Variants in SLC22A6 observed in about 807,000 individuals in gnomAD.
The protein encoded by SLC22A6 is solute carrier family 22 member 6, also known as PAH transporter.
In SLC22A6, 45 loss-of-function variants were observed where a neutral mutation model predicts 56.7. The ratio of observed to expected loss-of-function variants is 0.79; its 90% confidence interval spans 0.63 to 1.02. SLC22A6 has a LOEUF of 1.02. SLC22A6 is among the 50% of genes least tolerant of loss of function. SLC22A6 has a pLI of 0.00. For missense variants in SLC22A6, 606 were observed against 713.8 expected, an observed-to-expected ratio of 0.85 and a Z score of 1.72; for synonymous variants, 291 against 295.9, an observed-to-expected ratio of 0.98 and a Z score of 0.17.
chr11:62,984,485 C>T lies in SLC22A6; in HGVS notation c.206G>A (p.Arg69Gln), dbSNP rs144356509. The change falls in exon 1 of 10, where the codon CGG (arginine) becomes CAG (glutamine). Residue 69 changes from arginine (R) to glutamine (Q), a missense_variant. By Grantham distance (43) the Arg-to-Gln change is conservative (BLOSUM62 1). Transcript: ENST00000360421. ...GGACTCAGGCTGCCCCTGCCTGTCCCGGGGCAGCCAGACCTCCAGCCCCCC... is the reference window on the plus strand; with the variant it reads ...GGACTCAGGCTGCCCCTGCCTGTCCTGGGGCAGCCAGACCTCCAGCCCCCC... ...KNGGLEVWLPRDRQGQPESCL... is the reference protein window; with the variant it reads ...KNGGLEVWLPQDRQGQPESCL... 221 of 1,613,800 alleles carry T rather than the reference C, an allele frequency of 1.4e-4. No individual in the cohort carries two copies. Among genetic ancestry groups the T allele is most frequent in the Non-Finnish European group, 1.6e-4 (186 of 1,179,978 alleles).
chr11:62,981,480 T>C (rs1164284147), intron 4 of SLC22A6, 97 bp from the exon 5 acceptor site: 4 of 758,988 alleles, frequency 5.3e-6, no homozygotes, highest in Non-Finnish European at 8.4e-6. Flanking sequence ...TGCGATGGGA[T>C]TTTATTTAAG....
rs962451994 is a variant in SLC22A6 at position 62,976,805 on chromosome 11, T to C, written c.1642A>G (p.Asn548Asp). 1.9e-6 allele frequency: 3 copies of C among 1,613,292 alleles called. No individual in the cohort carries two copies. In the African/African-American group the frequency reaches 4.0e-5, roughly 22 times the overall value. Residue 548 changes from asparagine to aspartate, a missense_variant, in exon 10 of 10, where the codon AAT (asparagine) becomes GAT (aspartate). By Grantham distance (23) the Asn-to-Asp change is conservative. Transcript: ENST00000360421. ...CCCCTTCTCAGTCCTCAGAGTCCAT[T>C]CTTCTCTTGTGCTGAGGCCTGCAGT... is the stretch of plus-strand genomic sequence containing the variant. ...VPLQASAQEK[N>D]GL
intron 3 of SLC22A6, 119 bp from the exon 4 acceptor site, chr11:62,982,129 G>T: frequency 1.1e-6 from 1 of 937,216 alleles, no homozygotes; most frequent in Non-Finnish European, 1.6e-6. Flanking sequence ...CATCGAGTAA[G>T]TTGAGTGCCA....
chr11:62,979,500 G>A lies in SLC22A6; in HGVS notation c.1349C>T (p.Pro450Leu), dbSNP rs761801320. Reference protein sequence around the residue: ...CIFLYTGELYPTMIRQTGMGM... With the variant: ...CIFLYTGELYLTMIRQTGMGM... ...GGCTCCCACTCACCGGATCATTGTGGGATACAGTTCCCCAGTATACAGGAA... is the reference window on the plus strand; with the variant it reads ...GGCTCCCACTCACCGGATCATTGTGAGATACAGTTCCCCAGTATACAGGAA... Residue 450 changes from proline (P) to leucine (L), a missense_variant, in exon 8 of 10, where the codon CCC (proline) becomes CTC (leucine). Physicochemically the swap from Pro to Leu is moderately conservative, Grantham distance 98. Transcript: ENST00000360421. 2.5e-6 allele frequency: 4 copies of A among 1,605,774 alleles called. No individual in the cohort carries two copies. Among genetic ancestry groups the A allele is most frequent in the Admixed American group, 3.3e-5 (2 of 60,014 alleles).
chr11:62,982,228 T>C (rs1052126225), intron 3 of SLC22A6, among the ~76,000 whole-genome samples: 1 of 143,700 alleles, frequency 7.0e-6, no homozygotes, highest in African/African-American at 2.5e-5. Flanking sequence ...ACACTCTTGA[T>C]TTTTTTTTTT....
rs72480409 is a variant in SLC22A6 at position 62,982,778 on chromosome 11, G to A, written c.628+759C>T. On this transcript the variant is annotated intron_variant, in intron 3 of 9. Transcript: ENST00000360421. ...GAGACCACACTCAGTCCACAAATGTGTCTTGTCTGCACGATGCTGCCTCAT... is the reference window on the plus strand; with the variant it reads ...GAGACCACACTCAGTCCACAAATGTATCTTGTCTGCACGATGCTGCCTCAT... 2.1e-4 allele frequency among the ~76,000 whole-genome samples: 32 copies of A among 152,312 alleles called. No homozygotes were observed. The Middle Eastern group carries it at 0.02, about 97-fold the overall frequency.
At chr11:62,978,996 A>G (rs2086221889) in intron 8 of SLC22A6, among the ~76,000 whole-genome samples, 1 of 152,180 alleles carries the variant, frequency 6.6e-6, no homozygotes, top group African/African-American at 2.4e-5. Context: ...TCTTAATGCA[A>G]AAATACTGCC....
Sources: allele counts gnomAD v4.1 joint callset (sites outside exome capture counted in the v4.1 genomes callset), GRCh38; gene constraint gnomAD v4.1.1; transcripts MANE v1.5; gene names NCBI Gene and HGNC (gene_info 2026-07-23, HGNC 2026-07-21).